The following KCNQ1 variants were observed in gnomAD, a reference collection of about 807,000 sequenced individuals.
The protein encoded by KCNQ1 is potassium voltage-gated channel subfamily Q member 1.
A neutral mutation model predicts 72.4 loss-of-function variants in KCNQ1; 49 were observed. That is an observed-to-expected ratio of 0.68 (90% confidence interval 0.54 to 0.86). The LOEUF (loss-of-function observed/expected upper bound fraction) is 0.86, where lower values mean the gene tolerates loss of function less well. KCNQ1 is among the 40% of genes least tolerant of loss of function. KCNQ1 has a pLI of 0.00. For synonymous variants in KCNQ1, 450 were observed against 412.6 expected (o/e 1.09, Z -1.10); for missense variants, 790 against 945.1 (o/e 0.84, Z 2.15).
Position 2,532,324 on chromosome 11 carries a change from C to T in KCNQ1, c.477+4306C>T, listed in dbSNP as rs566522766. ...AAATGCATAGGCCAGAGTTGCCCAGCGAGGATGACCCAGCTTGGTATGTGC... is the reference window on the plus strand; with the variant it reads ...AAATGCATAGGCCAGAGTTGCCCAGTGAGGATGACCCAGCTTGGTATGTGC... On this transcript the variant is annotated intron_variant, in intron 2 of 15. Transcript: ENST00000155840. Among the ~76,000 whole-genome samples, 50 of 152,318 alleles carry T rather than the reference C, an allele frequency of 3.3e-4. No homozygotes were observed. In the South Asian group the frequency reaches 3.9e-3, roughly 12 times the overall value.
At position 2,646,716 on chromosome 11, in the gene KCNQ1, A is replaced by T. The variant is rs550296487; in HGVS notation, c.1394-15245A>T. On this transcript the variant is annotated intron_variant, in intron 10 of 15. Transcript: ENST00000155840. ...ATTTTTGTACTGATGAGGTTTTGCC[A>T]TGTTGCCCAGGACAGTCTCAAACTC... 23 of 398,520 alleles carry T rather than the reference A, an allele frequency of 5.8e-5. 1 individual carries two copies. In the South Asian group the frequency reaches 2.6e-3, roughly 44 times the overall value. The allele number at this position is 398,520 out of a possible 1,614,324, so 24.7% of individuals were successfully genotyped here. A position where few individuals can be genotyped will look rare whatever the true frequency, so the allele number is the denominator to read the frequency against.
rs551267679 is a variant in KCNQ1, at chr11:2,537,964, C to T, written c.477+9946C>T. Among the ~76,000 whole-genome samples, 1 of 152,324 alleles carries T rather than the reference C, an allele frequency of 6.6e-6. No individual in the cohort carries two copies. The highest frequency in any genetic ancestry group is 1.9e-4 in the East Asian group (1 of 5,180). ...CTCCTGAGTTCAAACAATCCTCCCA[C>T]CTCGGCCAACCCAAAGTGCTGAGAT... On this transcript the variant is annotated intron_variant, in intron 2 of 15. Transcript: ENST00000155840. This position sits in a 1 kb window ranked among gnomAD's most constrained non-coding sequence, Gnocchi z 5.2.
intron 11 of KCNQ1, among the ~76,000 whole-genome samples, chr11:2,705,603 C>A (rs1850895719): frequency 1.3e-5 from 2 of 152,316 alleles, no homozygotes; most frequent in South Asian, 4.1e-4. Context: ...GTGTGCCCCC[C>A]TTCCTGTGCA....
rs200762150 is a variant in KCNQ1, at chr11:2,572,971, G to T, written c.906G>T (p.Ala302=). The part of the protein sequence containing the change: ...GRVEFGSYAD[A]LWWGVVTVTT... ...TGGAGTTCGGCAGCTACGCAGATGC[G>T]CTGTGGTGGGGGGTGGTAAGTCGGA... Residue 302 remains alanine, a synonymous_variant, in exon 6 of 16, where the codon GCG becomes GCT. Coordinates refer to ENST00000155840, the MANE Select transcript of KCNQ1 (RefSeq NM_000218.3). 30 of 1,613,620 alleles carry T rather than the reference G, an allele frequency of 1.9e-5. 1 individual carries two copies. In the South Asian group the frequency reaches 3.2e-4, roughly 17 times the overall value.
At chr11:2,521,034 T>TGCTGTTA (rs1380437319) in intron 1 of KCNQ1, among the ~76,000 whole-genome samples, 2 of 151,656 alleles carry the variant, frequency 1.3e-5, no homozygotes, top group African/African-American at 2.4e-5. Context: ...GAATGTTGTT[T>TGCTGTTA]GCTTTAAAAA....
rs556366377 is a variant in KCNQ1, at chr11:2,753,328, C to G, written c.1515-15516C>G. Among the ~76,000 whole-genome samples the G allele has an allele frequency of 7.7e-4, 118 of 152,276 alleles. 1 individual carries two copies. The highest frequency in any genetic ancestry group is 2.8e-3 in the African/African-American group (115 of 41,564). On this transcript the variant is annotated intron_variant, in intron 11 of 15. Transcript: ENST00000155840. ...GAGCCCAAATAGGGAGTTCAGAGGC[C>G]TCCGTGTCTGCCCAGGGAAGGAGGG...
At chr11:2,456,966 CCCAA>C (rs1485701123) in intron 1 of KCNQ1, among the ~76,000 whole-genome samples, 1 of 106,550 alleles carries the variant, frequency 9.4e-6, no homozygotes, top group Non-Finnish European at 1.9e-5. Flanking sequence ...AAAAAAAAAA[CCCAA>C]AAAAACAAAA....
chr11:2,822,602 T>C (rs163181), intron 15 of KCNQ1, among the ~76,000 whole-genome samples: 151,882 of 152,360 alleles, frequency 1, 75,703 homozygotes, highest in Middle Eastern at 1. Context: ...GAAATTAGCT[T>C]AACTAAGTGG....
chr11:2,573,413 A>G (rs1486858984), intron 6 of KCNQ1, among the ~76,000 whole-genome samples: 3 of 152,162 alleles, frequency 2.0e-5, no homozygotes, highest in African/African-American at 7.2e-5. Context: ...CTGAGGGTCC[A>G]CACAGGCCCT....
intron 15 of KCNQ1, among the ~76,000 whole-genome samples, chr11:2,820,844 T>A (rs1847718353): frequency 6.6e-6 from 1 of 152,186 alleles, no homozygotes; most frequent in Non-Finnish European, 1.5e-5. Flanking sequence ...GGAAGCCATG[T>A]CCTCCACATC....
In KCNQ1 at chr11:2,565,010, C is replaced by T. The variant is rs575006151; in HGVS notation, c.478-5618C>T. On this transcript the variant is annotated intron_variant, in intron 2 of 15. Transcript: ENST00000155840. This position sits in a 1 kb window ranked among gnomAD's most constrained non-coding sequence, Gnocchi z 5.6. ...CACTGAGGGACACTGGGCTGGTTCC[C>T]CTTTTTGGCTGTTGTGAATGTTGCT... 6.3e-4 allele frequency among the ~76,000 whole-genome samples: 96 copies of T among 152,302 alleles called. No individual in the cohort carries two copies. Among genetic ancestry groups the T allele is most frequent in the Admixed American group, 1.3e-3 (20 of 15,294 alleles).
chr11:2,493,724 A>G lies in KCNQ1; in HGVS notation c.387-34204A>G, dbSNP rs1376107726. 2.6e-5 allele frequency among the ~76,000 whole-genome samples: 4 copies of G among 152,174 alleles called. No individual in the cohort carries two copies. Among genetic ancestry groups the G allele is most frequent in the Admixed American group, 2.0e-4 (3 of 15,272 alleles). ...TGGTTTATATATCTGTCTTCATACCAGTACCATGCTGTTTTCGTTACTATA... is the reference window on the plus strand; with the variant it reads ...TGGTTTATATATCTGTCTTCATACCGGTACCATGCTGTTTTCGTTACTATA... On this transcript the variant is annotated intron_variant, in intron 1 of 15. Coordinates refer to ENST00000155840, the MANE Select transcript of KCNQ1 (RefSeq NM_000218.3). The surrounding 1 kb of genome is among the most constrained non-coding windows in gnomAD (Gnocchi z 5.3).
At chr11:2,729,350 C>A (rs1273533294) in intron 11 of KCNQ1, among the ~76,000 whole-genome samples, 1 of 152,240 alleles carries the variant, frequency 6.6e-6, no homozygotes, top group Non-Finnish European at 1.5e-5. Flanking sequence ...TGTAGCACTG[C>A]CAGGTGGATT....
chr11:2,506,568 G>C (rs747728251), intron 1 of KCNQ1, among the ~76,000 whole-genome samples: 2 of 152,190 alleles, frequency 1.3e-5, no homozygotes, highest in Non-Finnish European at 2.9e-5. Context: ...GAATAACTTC[G>C]TAGGTATGGA....
chr11:2,760,849 G>A (rs1455599963), intron 11 of KCNQ1, among the ~76,000 whole-genome samples: 2 of 152,244 alleles, frequency 1.3e-5, no homozygotes, highest in Non-Finnish European at 2.9e-5. Context: ...AGTTCTAGGG[G>A]AGCATACAGT....
chr11:2,668,550 G>A lies in KCNQ1; in HGVS notation c.1514+6469G>A, dbSNP rs1399665027. ...TTGCAGTAACCTGTTGACTAATGAA[G>A]TTGAGTCCCTTTCCATGTTATCATT... On this transcript the variant is annotated intron_variant, in intron 11 of 15. Transcript: ENST00000155840. The surrounding 1 kb of genome is among the most constrained non-coding windows in gnomAD (Gnocchi z 4.3). 1 of 398,616 alleles carries A rather than the reference G, an allele frequency of 2.5e-6. No individual in the cohort carries two copies. Among genetic ancestry groups the A allele is most frequent in the Non-Finnish European group, 4.4e-6 (1 of 226,070 alleles). The allele number at this position is 398,616 out of a possible 1,614,324, so 24.7% of individuals were successfully genotyped here. A position where few individuals can be genotyped will look rare whatever the true frequency, so the allele number is the denominator to read the frequency against.
At position 2,626,397 on chromosome 11, in the gene KCNQ1, T is replaced by C; in HGVS notation, c.1394-35564T>C. The C allele has an allele frequency of 2.5e-6, 1 of 398,650 alleles. No homozygotes were observed. The highest frequency in any genetic ancestry group is 4.4e-6 in the Non-Finnish European group (1 of 226,090). 24.7% of individuals were successfully genotyped at this position (398,650 alleles called of 1,614,324 possible). A position where few individuals can be genotyped will look rare whatever the true frequency, so the allele number is the denominator to read the frequency against. ...CAGCACTTTCCCTATTGAATGGTCT[T>C]GGCACTCTTCTCAGGAATCATTTGA... On this transcript the variant is annotated intron_variant, in intron 10 of 15. Transcript: ENST00000155840. The surrounding 1 kb of genome is among the most constrained non-coding windows in gnomAD (Gnocchi z 4.0).
In KCNQ1 at chr11:2,569,526, A is replaced by T. The variant is rs371549534; in HGVS notation, c.478-1102A>T. On this transcript the variant is annotated intron_variant, in intron 2 of 15. Transcript: ENST00000155840. ...AGTCCCCTCCAGGGCCCGGCTTCTG[A>T]GGGAGGACAGGCAGGAGTCCGCCGG... 6.6e-5 allele frequency among the ~76,000 whole-genome samples: 10 copies of T among 152,254 alleles called. No individual in the cohort carries two copies. The East Asian group carries it at 1.5e-3, about 24-fold the overall frequency.
In KCNQ1 at chr11:2,493,847, A is replaced by G. The variant is rs923054113; in HGVS notation, c.387-34081A>G. Among the ~76,000 whole-genome samples, 1 of 152,120 alleles carries G rather than the reference A, an allele frequency of 6.6e-6. No individual in the cohort carries two copies. Among genetic ancestry groups the G allele is most frequent in the Non-Finnish European group, 1.5e-5 (1 of 67,984 alleles). ...GCTATATGGGCTCTTTTTTGGTTCCATATGAAATTTAAAGTAGTTTTTTCT... is the reference window on the plus strand; with the variant it reads ...GCTATATGGGCTCTTTTTTGGTTCCGTATGAAATTTAAAGTAGTTTTTTCT... On this transcript the variant is annotated intron_variant, in intron 1 of 15. Coordinates refer to ENST00000155840, the MANE Select transcript of KCNQ1 (RefSeq NM_000218.3). The surrounding 1 kb of genome is among the most constrained non-coding windows in gnomAD (Gnocchi z 5.3).
Sources: allele counts gnomAD v4.1 joint callset (sites outside exome capture counted in the v4.1 genomes callset), GRCh38; gene constraint gnomAD v4.1.1; non-coding constraint Gnocchi (gnomAD v3.1); transcripts MANE v1.5; gene names NCBI Gene and HGNC (gene_info 2026-07-23, HGNC 2026-07-21).